PPIL3: variants seen among roughly 807,000 people sequenced by gnomAD.
PPIL3 encodes the protein peptidyl-prolyl cis-trans isomerase-like 3.
A neutral mutation model predicts 20.9 loss-of-function variants in PPIL3; 13 were observed. The ratio of observed to expected loss-of-function variants is 0.62; its 90% CI spans 0.40 to 0.99. PPIL3 has a LOEUF of 0.99. PPIL3 is among the 50% of genes least tolerant of loss of function. The pLI is 0.00. For synonymous variants in PPIL3, 71 were observed against 64.4 expected (o/e 1.10, Z -0.49); for missense variants, 170 against 195.2 (o/e 0.87, Z 0.77).
Position 200,888,987 on chromosome 2 carries a change from T to C in PPIL3, c.-102A>G. 2.1e-6 allele frequency: 1 copy of C among 471,240 alleles called. No individual in the cohort carries two copies. Among genetic ancestry groups the C allele is most frequent in the Non-Finnish European group, 4.4e-6 (1 of 227,074 alleles). 29.2% of individuals were successfully genotyped at this position (471,240 alleles called of 1,614,324 possible). On this transcript the variant is annotated 5_prime_UTR_variant, in exon 1 of 7. Coordinates refer to ENST00000392283, the MANE Select transcript of PPIL3 (RefSeq NM_130906.3). ...TTCACCACTTCGTCTAGCACAGCCGTTGTTAAAACAGGAAAAATGCAATCG... is the reference window on the plus strand; with the variant it reads ...TTCACCACTTCGTCTAGCACAGCCGCTGTTAAAACAGGAAAAATGCAATCG...
rs369905502 is a variant in PPIL3 at position 200,889,060 on chromosome 2, C to A, written c.-175G>T. On this transcript the variant is annotated 5_prime_UTR_variant, in exon 1 of 7. Transcript: ENST00000392283. Reference sequence around the variant, plus strand: ...GGTTCAAAATTATAGTTTCTTTGGGCCAGCGGAAGTTGGGCGCGGGACCCA... The same window carrying A: ...GGTTCAAAATTATAGTTTCTTTGGGACAGCGGAAGTTGGGCGCGGGACCCA... The A allele has an allele frequency of 2.1e-6, 1 of 470,910 alleles. No individual in the cohort carries two copies. Among genetic ancestry groups the A allele is most frequent in the Admixed American group, 2.3e-5 (1 of 42,558 alleles). The allele number at this position is 470,910 out of a possible 1,614,324, so 29.2% of individuals were successfully genotyped here.
upstream of PPIL3, chr2:200,889,096 C>T: frequency 4.3e-6 from 2 of 467,802 alleles, no homozygotes; most frequent in Non-Finnish European, 4.4e-6. Context: ...AGAGAGAGAA[C>T]GCCCCTTACC....
intron 5 of PPIL3, among the ~76,000 whole-genome samples, chr2:200,878,892 C>T (rs1257228011): frequency 6.6e-6 from 1 of 152,164 alleles, no homozygotes; most frequent in East Asian, 1.9e-4. Context: ...GAATATACTA[C>T]AATTTATCCA....
chr2:200,875,139 C>A (rs2039462568), intron 6 of PPIL3, among the ~76,000 whole-genome samples: 1 of 152,114 alleles, frequency 6.6e-6, no homozygotes. Flanking sequence ...CTGTGAAATA[C>A]CTTCCTAGGA....
At chr2:200,878,977 C>T (rs1432012813) in intron 5 of PPIL3, among the ~76,000 whole-genome samples, 2 of 152,112 alleles carry the variant, frequency 1.3e-5, no homozygotes, top group South Asian at 2.1e-4. Context: ...ACAAACAGTA[C>T]ATCAGAACAC....
Position 200,871,427 on chromosome 2 carries a change from T to C in PPIL3, c.454A>G (p.Ile152Val), listed in dbSNP as rs369410002. ...GCAAATGGGTTGGCATGAATAGTTA[T>C]GTCCTTAATGTGTACATCATTAAGA... ...RPLNDVHIKD[I>V]TIHANPFAQ The change falls in exon 7 of 7, where the codon ATA (isoleucine) becomes GTA (valine). Residue 152 changes from isoleucine to valine, a missense_variant. Transcript: ENST00000392283. 410 of 1,611,522 alleles carry C rather than the reference T, an allele frequency of 2.5e-4. No individual in the cohort carries two copies. Among genetic ancestry groups the C allele is most frequent in the Non-Finnish European group, 3.3e-4 (388 of 1,177,996 alleles).
intron 6 of PPIL3, 30 bp downstream of exon 6, chr2:200,876,889 C>T (rs1454759504): frequency 4.0e-6 from 6 of 1,492,772 alleles, no homozygotes; most frequent in Admixed American, 1.7e-5. Context: ...CATTGAAATG[C>T]TAAAAGAAAA....
At chr2:200,883,366 G>A (rs563044638) in intron 3 of PPIL3, among the ~76,000 whole-genome samples, 4 of 151,836 alleles carry the variant, frequency 2.6e-5, no homozygotes, top group African/African-American at 9.6e-5. Flanking sequence ...TTTAATTTAA[G>A]TATTAGTTTA....
intron 3 of PPIL3, chr2:200,884,881 T>C (rs1335441543): frequency 6.6e-6 from 1 of 151,386 alleles, no homozygotes; most frequent in Admixed American, 6.6e-5. Flanking sequence ...CTGGTCAACA[T>C]GGTGAAACCC....
rs910902498 is a variant in PPIL3 at position 200,871,333 on chromosome 2, G to C, written c.*62C>G. The C allele has an allele frequency of 6.7e-7, 1 of 1,496,462 alleles. No homozygotes were observed. Among genetic ancestry groups the C allele is most frequent in the Non-Finnish European group, 9.1e-7 (1 of 1,097,258 alleles). 92.7% of individuals were successfully genotyped at this position (1,496,462 alleles called of 1,614,324 possible). A position where few individuals can be genotyped will look rare whatever the true frequency, so the allele number is the denominator to read the frequency against. ...TGCAATCTCTGACATAATTAAAACC[G>C]GGTAAACCACAATAAGTGTGTTCCA... On this transcript the variant is annotated 3_prime_UTR_variant, in exon 7 of 7. Coordinates refer to ENST00000392283, the MANE Select transcript of PPIL3 (RefSeq NM_130906.3).
Position 200,871,525 on chromosome 2 carries a change from A to G in PPIL3, c.360-4T>C, listed in dbSNP as rs372169267. Reference sequence around the variant, plus strand: ...AGTTTCCAGACCATCTATTACCCTGAAAGAGAAACAACATAACATATGAAA... The same window carrying G: ...AGTTTCCAGACCATCTATTACCCTGGAAGAGAAACAACATAACATATGAAA... On this transcript the variant is annotated splice_polypyrimidine_tract_variant and splice_region_variant and intron_variant, in intron 6 of 6. Coordinates refer to ENST00000392283, the MANE Select transcript of PPIL3 (RefSeq NM_130906.3). 6.8e-5 allele frequency: 110 copies of G among 1,609,204 alleles called. No homozygotes were observed. The African/African-American group carries it at 1.4e-3, about 20-fold the overall frequency.
At chr2:200,887,077 A>G (rs1457308185) in intron 2 of PPIL3, 1 of 152,326 alleles carries the variant, frequency 6.6e-6, no homozygotes, top group Non-Finnish European at 1.5e-5. Flanking sequence ...CTTGTAATCA[A>G]TCTTTCTCCA....
chr2:200,871,542 CAT>C (rs760558700), intron 6 of PPIL3, 21 bp from the exon 7 acceptor site: 2 of 1,597,412 alleles, frequency 1.3e-6, no homozygotes, highest in South Asian at 1.1e-5. Flanking sequence ...AACAACATAA[CAT>C]ATGAAAATTT....
intron 2 of PPIL3, among the ~76,000 whole-genome samples, chr2:200,886,176 A>G (rs2039932007): frequency 6.6e-6 from 1 of 152,238 alleles, no homozygotes; most frequent in Non-Finnish European, 1.5e-5. Flanking sequence ...TTTTCAAAAC[A>G]TAATTTCCAC....
chr2:200,887,752 C>T, intron 1 of PPIL3, 67 bp from the exon 2 acceptor site: 1 of 646,594 alleles, frequency 1.5e-6, no homozygotes, highest in East Asian at 2.9e-5. Flanking sequence ...CTCATCTTTA[C>T]TGAACATTTT....
rs767177492 is a variant in PPIL3 at position 200,874,204 on chromosome 2, C to CAA, written c.360-2685_360-2684dup. 5.4e-3 allele frequency among the ~76,000 whole-genome samples: 356 copies of CAA among 65,572 alleles called. 4 individuals are homozygous for CAA. Among genetic ancestry groups the CAA allele is most frequent in the African/African-American group, 0.016 (288 of 17,630 alleles). 43.0% of individuals were successfully genotyped at this position (65,572 alleles called of 152,430 possible). On this transcript the variant is annotated intron_variant, in intron 6 of 6. Coordinates refer to ENST00000392283, the MANE Select transcript of PPIL3 (RefSeq NM_130906.3). ...TGGGCGACAGAGTGAGACTCTGTCT[C>CAA]AAAAAAAAAAAAAAAAAAAAATTAG...
intron 6 of PPIL3, among the ~76,000 whole-genome samples, chr2:200,875,608 T>C (rs774054124): frequency 2.0e-5 from 3 of 151,986 alleles, no homozygotes; most frequent in Non-Finnish European, 2.9e-5. Flanking sequence ...TAGGGTATCA[T>C]TGTTGCCCAG....
Position 200,888,944 on chromosome 2 carries a change from G to A in PPIL3, c.-71+12C>T, listed in dbSNP as rs546931477. 3 of 471,002 alleles carry A rather than the reference G, an allele frequency of 6.4e-6. No homozygotes were observed. The highest frequency in any genetic ancestry group is 6.9e-5 in the East Asian group (1 of 14,404). The allele number at this position is 471,002 out of a possible 1,614,324, so 29.2% of individuals were successfully genotyped here. On this transcript the variant is annotated intron_variant, in intron 1 of 6. Coordinates refer to ENST00000392283, the MANE Select transcript of PPIL3 (RefSeq NM_130906.3). ...ATAAGTGAATGAAAGAATTAATGACGTTACTCCATACTTGGGCTTCACCAC... is the reference window on the plus strand; with the variant it reads ...ATAAGTGAATGAAAGAATTAATGACATTACTCCATACTTGGGCTTCACCAC...
At chr2:200,881,665 A>T in intron 4 of PPIL3, 177 bp from the exon 5 acceptor site, 1 of 530,014 alleles carries the variant, frequency 1.9e-6, no homozygotes. Flanking sequence ...AAACAGACCT[A>T]CAAAAAACAA....
Sources: allele counts gnomAD v4.1 joint callset (sites outside exome capture counted in the v4.1 genomes callset), GRCh38; gene constraint gnomAD v4.1.1; transcripts MANE v1.5; gene names NCBI Gene and HGNC (gene_info 2026-07-23, HGNC 2026-07-21).